The following CENPQ variants were observed in gnomAD, a reference collection of about 807,000 sequenced individuals.
The protein encoded by CENPQ is chromosome 6 open reading frame 139.
CENPQ carries 27 observed loss-of-function variants against 36.6 expected under a neutral mutation model. The observed-to-expected ratio is 0.74, with a 90% confidence interval of 0.54 to 1.02. The LOEUF (loss-of-function observed/expected upper bound fraction) is 1.02, where lower values mean the gene tolerates loss of function less well. Ranked by LOEUF, CENPQ falls within the 50% of genes least tolerant of loss-of-function variation. CENPQ has a pLI of 0.00. For synonymous variants in CENPQ, 101 were observed against 101.7 expected, an observed-to-expected ratio of 0.99 and a Z score of 0.04; for missense variants, 306 against 301.8, an observed-to-expected ratio of 1.01 and a Z score of -0.10.
intron 5 of CENPQ, among the ~76,000 whole-genome samples, chr6:49,477,540 C>T (rs938666008): frequency 6.7e-6 from 1 of 149,142 alleles, no homozygotes; most frequent in African/African-American, 2.5e-5. Flanking sequence ...CAGTTGTGCA[C>T]ATGTACCCTA....
chr6:49,480,861 A>T (rs939060478), intron 5 of CENPQ, 90 bp from the exon 6 acceptor site: 2 of 860,430 alleles, frequency 2.3e-6, no homozygotes, highest in Non-Finnish European at 1.7e-6. Flanking sequence ...TACCCTTAAG[A>T]ATATGAGGAC....
At chr6:49,463,612 G>A (rs538466941) in intron 1 of CENPQ, among the ~76,000 whole-genome samples, 159 bp downstream of exon 1, 1 of 152,230 alleles carries the variant, frequency 6.6e-6, no homozygotes, top group South Asian at 2.1e-4. Flanking sequence ...TCTGCCCTTA[G>A]GATCCTGAGA....
intron 4 of CENPQ, 112 bp downstream of exon 4, chr6:49,472,295 A>G: frequency 1.2e-6 from 1 of 868,300 alleles, no homozygotes. Context: ...GTATATTTCT[A>G]TTTCGGAAGC....
intron 5 of CENPQ, among the ~76,000 whole-genome samples, chr6:49,477,234 G>A (rs1359474228): frequency 2.0e-5 from 3 of 152,100 alleles, no homozygotes; most frequent in African/African-American, 7.2e-5. Context: ...GGAATACTAT[G>A]CAGCCATAAG....
intron 3 of CENPQ, 147 bp from the exon 4 acceptor site, chr6:49,471,916 T>C: frequency 1.3e-6 from 1 of 795,786 alleles, no homozygotes; most frequent in Non-Finnish European, 1.8e-6. Flanking sequence ...AGCTGTGTGA[T>C]AAAAAGTAAA....
chr6:49,472,824 GA>G lies in CENPQ; in HGVS notation c.316del (p.Ile106TyrfsTer8). 1 of 1,457,298 alleles carries G rather than the reference GA, an allele frequency of 6.9e-7. No homozygotes were observed. The highest frequency in any genetic ancestry group is 9.3e-7 in the Non-Finnish European group (1 of 1,072,332). The allele number at this position is 1,457,298 out of a possible 1,614,324, so 90.3% of individuals were successfully genotyped here. ...GAGTAACAGTATTAAAGAAAAAGAA[GA>G]AATACAATACCATCTCAACTTCCTG... ...ILSNSIKEKE[E>X]IQYHLNFLKK... On this transcript the variant is annotated frameshift_variant, in exon 5 of 9. Coordinates refer to ENST00000335783, the MANE Select transcript of CENPQ (RefSeq NM_018132.4). LOFTEE classifies it high-confidence loss of function.
Position 49,488,955 on chromosome 6 carries a change from C to T in CENPQ, c.675+271C>T, listed in dbSNP as rs1465054528. Among the ~76,000 whole-genome samples, 7 of 152,034 alleles carry T rather than the reference C, an allele frequency of 4.6e-5. No individual in the cohort carries two copies. The South Asian group carries it at 6.2e-4, about 14-fold the overall frequency. On this transcript the variant is annotated intron_variant, in intron 8 of 8. Coordinates refer to ENST00000335783, the MANE Select transcript of CENPQ (RefSeq NM_018132.4). ...TGTTAACAATCATCTGCACCTTCAG[C>T]AGGTCGTAATCTTTTTGCCAGTGGA...
intron 5 of CENPQ, among the ~76,000 whole-genome samples, chr6:49,477,758 A>T (rs1034114472): frequency 5.9e-5 from 9 of 152,146 alleles, no homozygotes; most frequent in Non-Finnish European, 1.5e-5. Flanking sequence ...TTGCTGAGAA[A>T]GGTTTAACAA....
chr6:49,483,539 G>A (rs1173879719), intron 6 of CENPQ, among the ~76,000 whole-genome samples: 5 of 152,190 alleles, frequency 3.3e-5, no homozygotes, highest in South Asian at 2.1e-4. Flanking sequence ...GGCATGTCGG[G>A]CTGCAGGTCC....
At chr6:49,480,131 A>G (rs1031930369) in intron 5 of CENPQ, among the ~76,000 whole-genome samples, 1 of 152,190 alleles carries the variant, frequency 6.6e-6, no homozygotes, top group African/African-American at 2.4e-5. Flanking sequence ...ATTTTTAACC[A>G]GATCCCAAAA....
intron 6 of CENPQ, among the ~76,000 whole-genome samples, chr6:49,486,213 G>A (rs913559292): frequency 9.2e-5 from 14 of 152,196 alleles, no homozygotes; most frequent in African/African-American, 3.1e-4. Context: ...AGCTGAAAAA[G>A]ACAAGAAACC....
intron 6 of CENPQ, among the ~76,000 whole-genome samples, chr6:49,487,928 C>T (rs1395096799): frequency 1.3e-5 from 2 of 152,108 alleles, no homozygotes; most frequent in Non-Finnish European, 2.9e-5. Context: ...ATTAAAATAG[C>T]AGGCTCTTAA....
intron 5 of CENPQ, among the ~76,000 whole-genome samples, chr6:49,477,161 G>A (rs1332747862): frequency 6.6e-6 from 1 of 152,104 alleles, no homozygotes; most frequent in East Asian, 1.9e-4. Context: ...CAAAGACTTG[G>A]AACCAACCCA....
At chr6:49,470,330 A>T in intron 2 of CENPQ, 52 bp downstream of exon 2, 1 of 1,165,158 alleles carries the variant, frequency 8.6e-7, no homozygotes, top group Non-Finnish European at 1.2e-6. Context: ...GTGGCCAAGC[A>T]CTATGGCTCA....
intron 5 of CENPQ, among the ~76,000 whole-genome samples, chr6:49,477,336 C>A (rs535333651): frequency 2.7e-5 from 4 of 148,990 alleles, no homozygotes; most frequent in Non-Finnish European, 4.4e-5. Context: ...AACCAAACAC[C>A]GCATATTCTC....
Position 49,482,226 on chromosome 6 carries a change from G to A in CENPQ, c.477+1146G>A, listed in dbSNP as rs553701377. ...CTCCCTCCACACCTCCCTGCAAGCT[G>A]AGGGAGCCAGCTCCGGCCTTGGCCA... On this transcript the variant is annotated intron_variant, in intron 6 of 8. Coordinates refer to ENST00000335783, the MANE Select transcript of CENPQ (RefSeq NM_018132.4). Among the ~76,000 whole-genome samples, 696 of 152,312 alleles carry A rather than the reference G, an allele frequency of 4.6e-3. 1 individual carries two copies. The highest frequency in any genetic ancestry group is 7.2e-3 in the Non-Finnish European group (488 of 68,028).
intron 6 of CENPQ, among the ~76,000 whole-genome samples, chr6:49,482,191 G>A (rs968990832): frequency 2.6e-5 from 4 of 152,136 alleles, no homozygotes; most frequent in African/African-American, 7.2e-5. Context: ...CCCGGTTCCC[G>A]CTCGCACCTC....
chr6:49,482,469 G>A (rs1025688690), intron 6 of CENPQ, among the ~76,000 whole-genome samples: 1 of 152,176 alleles, frequency 6.6e-6, no homozygotes, highest in Non-Finnish European at 1.5e-5. Context: ...TGGATGGGGC[G>A]ATGAAGGGGC....
intron 3 of CENPQ, 125 bp from the exon 4 acceptor site, chr6:49,471,936 TTA>T: frequency 1.9e-6 from 2 of 1,058,614 alleles, no homozygotes; most frequent in Non-Finnish European, 2.6e-6. Flanking sequence ...ATTAAACAGT[TTA>T]TACAGCTTTA....
Sources: allele counts gnomAD v4.1 joint callset (sites outside exome capture counted in the v4.1 genomes callset), GRCh38; gene constraint gnomAD v4.1.1; transcripts MANE v1.5; gene names NCBI Gene and HGNC (gene_info 2026-07-23, HGNC 2026-07-21).